Variants in GALNT9 observed in about 807,000 individuals in gnomAD.
The protein encoded by GALNT9 is polypeptide N-acetylgalactosaminyltransferase 9.
In GALNT9, 47 loss-of-function variants were observed where a neutral mutation model predicts 63.1. The ratio of observed to expected loss-of-function variants is 0.75; its 90% CI spans 0.59 to 0.95. The LOEUF (loss-of-function observed/expected upper bound fraction) is 0.95, where lower values mean the gene tolerates loss of function less well. GALNT9 is among the 40% of genes least tolerant of loss of function. The pLI is 0.00. For synonymous variants in GALNT9, 396 were observed against 365.7 expected (o/e 1.08, Z -0.94); for missense variants, 829 against 874.8 (o/e 0.95, Z 0.66).
At chr12:132,267,279 G>A in intron 2 of GALNT9, among the ~76,000 whole-genome samples, 1 of 152,156 alleles carries the variant, frequency 6.6e-6, no homozygotes, top group East Asian at 1.9e-4. Context: ...AGGGGTGGAT[G>A]GGGTGGGCTC....
intron 2 of GALNT9, among the ~76,000 whole-genome samples, chr12:132,271,249 C>G (rs1167367828): frequency 2.0e-5 from 3 of 151,770 alleles, no homozygotes; most frequent in African/African-American, 7.3e-5. Context: ...GCCGACGAAA[C>G]TCCAGTCACC....
At chr12:132,284,469 C>T (rs1420777495) in intron 2 of GALNT9, 3 of 152,242 alleles carry the variant, frequency 2.0e-5, no homozygotes, top group African/African-American at 7.2e-5. Flanking sequence ...TTAAACTGGC[C>T]TATTTTAAAA....
intron 2 of GALNT9, among the ~76,000 whole-genome samples, chr12:132,264,411 G>A (rs1555240017): frequency 1.3e-5 from 2 of 152,264 alleles, no homozygotes; most frequent in African/African-American, 2.4e-5. Flanking sequence ...TGGCTCATCC[G>A]TAGGAAAAGT....
intron 6 of GALNT9, among the ~76,000 whole-genome samples, chr12:132,221,350 CAAAAAAAAAAAAAAAAAA>C (rs869246524): frequency 2.1e-5 from 1 of 46,806 alleles, no homozygotes; most frequent in Non-Finnish European, 3.3e-5. Flanking sequence ...AGATTGTGTC[CAAAAAAAAAAAAAAAAAA>C]AAAAAAAAAG....
rs1555239750 is a variant in GALNT9 at position 132,261,097 on chromosome 12, C to G, written c.612G>C (p.Gln204His). 1 of 1,551,598 alleles carries G rather than the reference C, an allele frequency of 6.4e-7. No homozygotes were observed. Among genetic ancestry groups the G allele is most frequent in the Non-Finnish European group, 8.7e-7 (1 of 1,146,992 alleles). ...GGCCTGGGTACCGCTTGTTGACGTA[C>G]TGGTCCAGATTGAACTTGAGTTCCA... is the stretch of plus-strand genomic sequence containing the variant. ...DNVELKFNLD[Q>H]YVNKRYPGLV... is the part of the protein sequence containing the mutation. The change falls in exon 4 of 11, where the codon CAG (glutamine) becomes CAC (histidine). Residue 204 changes from glutamine (Q) to histidine (H), a missense_variant. Gln to His is a conservative substitution (Grantham distance 24). Coordinates refer to ENST00000328957, the MANE Select transcript of GALNT9 (RefSeq NM_001122636.2).
chr12:132,219,416 G>A (rs1311281996), intron 6 of GALNT9, among the ~76,000 whole-genome samples: 2 of 152,240 alleles, frequency 1.3e-5, no homozygotes, highest in African/African-American at 4.8e-5. Context: ...GCAGAAGCCG[G>A]CTGCAGTGAG....
Position 132,197,001 on chromosome 12 carries a change from T to G in GALNT9, c.*106A>C. On this transcript the variant is annotated 3_prime_UTR_variant, in exon 11 of 11. Coordinates refer to ENST00000328957, the MANE Select transcript of GALNT9 (RefSeq NM_001122636.2). ...CAGCCTCTGCTGTCCTGGCCGCACA[T>G]AGAGCCCTGTCCTGCTGTGTCTGCC... 6.5e-7 allele frequency: 1 copy of G among 1,542,218 alleles called. No homozygotes were observed. The highest frequency in any genetic ancestry group is 8.7e-7 in the Non-Finnish European group (1 of 1,144,084).
intron 9 of GALNT9, 100 bp from the exon 10 acceptor site, chr12:132,198,059 C>T (rs1392825274): frequency 8.9e-6 from 9 of 1,010,700 alleles, no homozygotes; most frequent in Non-Finnish European, 1.3e-5. Context: ...CAAACGGGGC[C>T]CTGCGCGGCT....
Position 132,261,028 on chromosome 12 carries a change from G to A in GALNT9, c.681C>T (p.Arg227=), listed in dbSNP as rs782365196. Residue 227 remains arginine, a synonymous_variant, in exon 4 of 11, where the codon CGC becomes CGT. Coordinates refer to ENST00000328957, the MANE Select transcript of GALNT9 (RefSeq NM_001122636.2). ...CCGCCTTCCAGCCCTGCAGCCGCGC[G>A]CGGATCAGTCCTTCCCGCCGGCTGT... ...VRNSRREGLI[R]ARLQGWKAAT... The A allele has an allele frequency of 1.7e-5, 27 of 1,551,128 alleles. 1 individual carries two copies. The highest frequency in any genetic ancestry group is 1.4e-4 in the South Asian group (12 of 84,022).
chr12:132,216,396 G>A (rs530377745), intron 6 of GALNT9, among the ~76,000 whole-genome samples: 3 of 152,356 alleles, frequency 2.0e-5, no homozygotes, highest in South Asian at 2.1e-4. Flanking sequence ...ATTTGCTGAC[G>A]ACGTCCTGGA....
At chr12:132,306,153 G>A (rs978705854) in intron 1 of GALNT9, among the ~76,000 whole-genome samples, 5 of 152,244 alleles carry the variant, frequency 3.3e-5, no homozygotes, top group Non-Finnish European at 7.3e-5. Flanking sequence ...TGGGGGGCCT[G>A]CAGGGGACCC....
intron 1 of GALNT9, among the ~76,000 whole-genome samples, chr12:132,287,252 T>A (rs1229187817): frequency 6.6e-6 from 1 of 152,200 alleles, no homozygotes; most frequent in Non-Finnish European, 1.5e-5. Flanking sequence ...GCCCAGGCGC[T>A]GTGCCTGCGG....
intron 6 of GALNT9, among the ~76,000 whole-genome samples, chr12:132,204,297 T>C (rs3935476): frequency 0.75 from 113,581 of 152,086 alleles, 42,850 homozygotes; most frequent in Non-Finnish European, 0.81. Flanking sequence ...AGCCTTCCTA[T>C]ACGTGCTCTT....
chr12:132,275,072 T>C (rs1880029580), intron 2 of GALNT9: 1 of 152,394 alleles, frequency 6.6e-6, no homozygotes, highest in African/African-American at 2.4e-5. Context: ...GCTCAGCTTC[T>C]CCATGTCCAG....
intron 1 of GALNT9, among the ~76,000 whole-genome samples, chr12:132,324,716 G>A (rs1868959667): frequency 6.6e-6 from 1 of 152,122 alleles, no homozygotes; most frequent in Admixed American, 6.5e-5. Flanking sequence ...TGGGTGGCCT[G>A]GCATTCTCCC....
intron 6 of GALNT9, among the ~76,000 whole-genome samples, chr12:132,225,976 CACACCCCACACACAT>C (rs1462413566): frequency 1.4e-4 from 20 of 141,550 alleles, no homozygotes; most frequent in South Asian, 4.6e-4. Context: ...ACACACTGTA[CACACCCCACACACAT>C]ACACCCCACA....
intron 1 of GALNT9, among the ~76,000 whole-genome samples, chr12:132,303,048 T>C (rs772354384): frequency 6.6e-4 from 99 of 150,806 alleles, no homozygotes; most frequent in Non-Finnish European, 1.2e-3. Context: ...TGTGTGGACA[T>C]GGAAGACGCG....
chr12:132,199,816 CCAGCAGCACTGCCTGGGTGGCCCCGGCT>C (rs1875864512), intron 8 of GALNT9, among the ~76,000 whole-genome samples: 1 of 151,376 alleles, frequency 6.6e-6, no homozygotes, highest in Non-Finnish European at 1.5e-5. Context: ...CTGGATCAGG[CCAGCAGCACTGCCTGGGTGGCCCCGGCT>C]CGTGAGCAAG....
intron 1 of GALNT9, among the ~76,000 whole-genome samples, chr12:132,305,158 T>G (rs376468704): frequency 2.5e-4 from 5 of 20,260 alleles, no homozygotes; most frequent in African/African-American, 5.5e-4. Context: ...CACCCTCGCC[T>G]GGGCACAGCC....
Sources: gnomAD v4.1 joint callset for allele counts (sites outside exome capture counted in the v4.1 genomes callset) on GRCh38, gnomAD v4.1.1 for gene constraint, MANE v1.5 for transcripts, NCBI Gene and HGNC (gene_info 2026-07-23, HGNC 2026-07-21) for gene names.